The following LRP6 variants were observed in gnomAD, a reference collection of about 807,000 sequenced individuals.
LRP6 encodes the protein LDL receptor related protein 6.
In LRP6, 43 loss-of-function variants were observed where a neutral mutation model predicts 184.1. The observed-to-expected ratio is 0.23, with a 90% CI of 0.18 to 0.30. The LOEUF (loss-of-function observed/expected upper bound fraction) is 0.30. Ranked by LOEUF, LRP6 falls within the 10% of genes least tolerant of loss-of-function variation. The pLI is 1.00. For missense variants in LRP6, 1,571 were observed against 2,005.3 expected (o/e 0.78, Z 4.14); for synonymous variants, 719 against 684.9 (o/e 1.05, Z -0.78).
chr12:12,239,992 A>AT (rs1865020587), intron 2 of LRP6, among the ~76,000 whole-genome samples: 2 of 149,546 alleles, frequency 1.3e-5, no homozygotes, highest in Non-Finnish European at 3.0e-5. Flanking sequence ...GAGTTAAGAT[A>AT]TTAAAAAAAA....
chr12:12,261,175 G>T (rs149872900), intron 1 of LRP6, among the ~76,000 whole-genome samples: 6,262 of 152,026 alleles, frequency 0.041, 177 homozygotes, highest in Middle Eastern at 0.16. Context: ...AATCCCAACA[G>T]TTTGGGAGGC....
intron 2 of LRP6, among the ~76,000 whole-genome samples, chr12:12,224,991 G>T (rs914185761): frequency 3.3e-5 from 5 of 152,134 alleles, no homozygotes; most frequent in Non-Finnish European, 2.9e-5. Context: ...GATCACCTGA[G>T]GTCGGGAGTT....
intron 15 of LRP6, among the ~76,000 whole-genome samples, chr12:12,145,255 CG>C (rs1555105683): frequency 6.6e-6 from 1 of 151,308 alleles, no homozygotes; most frequent in Non-Finnish European, 1.5e-5. Flanking sequence ...ACTATACATG[CG>C]TAAGTGTGTG....
chr12:12,125,464 G>A (rs760855222), intron 20 of LRP6, 32 bp from the exon 21 acceptor site: 54 of 1,597,318 alleles, frequency 3.4e-5, no homozygotes, highest in Non-Finnish European at 4.0e-5. Context: ...AACTGAAGAT[G>A]AGTATGATAT....
At chr12:12,188,370 G>A (rs1863530577) in intron 3 of LRP6, among the ~76,000 whole-genome samples, 1 of 152,092 alleles carries the variant, frequency 6.6e-6, no homozygotes, top group Non-Finnish European at 1.5e-5. Context: ...TGGGCAGAGA[G>A]GGAGGAAGGG....
At chr12:12,216,366 A>C (rs1864343315) in intron 2 of LRP6, among the ~76,000 whole-genome samples, 1 of 152,208 alleles carries the variant, frequency 6.6e-6, no homozygotes, top group African/African-American at 2.4e-5. Context: ...GGTTTTAAAA[A>C]ATGATAATAA....
In LRP6 at chr12:12,255,122, AAAC is replaced by A. The variant is rs537658541; in HGVS notation, c.56-10470_56-10468del. ...TGTCAACAGTGACTGATTTTGTTTT[AAAC>A]AACAGGGAGACTGACCAGTGCACAT... is the stretch of plus-strand genomic sequence containing the variant. On this transcript the variant is annotated intron_variant, in intron 1 of 22. Coordinates refer to ENST00000261349, the MANE Select transcript of LRP6 (RefSeq NM_002336.3). 3.4e-3 allele frequency among the ~76,000 whole-genome samples: 511 copies of A among 152,282 alleles called. 1 individual carries two copies. The highest frequency in any genetic ancestry group is 0.012 in the African/African-American group (486 of 41,564).
chr12:12,123,078 T>G (rs929520846), intron 22 of LRP6, among the ~76,000 whole-genome samples: 2 of 152,062 alleles, frequency 1.3e-5, no homozygotes, highest in Non-Finnish European at 2.9e-5. Flanking sequence ...TTAATAAAAT[T>G]TTTTCATGTC....
chr12:12,147,595 A>G (rs1349476460), intron 14 of LRP6, 39 bp from the exon 15 acceptor site: 1 of 1,436,834 alleles, frequency 7.0e-7, no homozygotes, highest in Non-Finnish European at 9.8e-7. Flanking sequence ...TACTGGAGTA[A>G]GAAACCACAT....
In LRP6 at chr12:12,150,862, G is replaced by A. The variant is rs780777151; in HGVS notation, c.2968C>T (p.Arg990Ter). The change falls in exon 13 of 23, where the codon CGA becomes TGA. Residue 990 changes from arginine to a stop codon, truncating the protein, a stop_gained. Coordinates refer to ENST00000261349, the MANE Select transcript of LRP6 (RefSeq NM_002336.3). LOFTEE classifies it high-confidence loss of function. ...YWIDSRQNMI[R>*]KAQEDGSQGF... is the part of the protein sequence containing the mutation. ...TGGCTGCCATCTTCTTGTGCCTTTCGGATCATGTTTTGTCGTGAGTCAATC... is the reference window on the plus strand; with the variant it reads ...TGGCTGCCATCTTCTTGTGCCTTTCAGATCATGTTTTGTCGTGAGTCAATC... 6.2e-7 allele frequency: 1 copy of A among 1,613,930 alleles called. No individual in the cohort carries two copies. Among genetic ancestry groups the A allele is most frequent in the South Asian group, 1.1e-5 (1 of 91,050 alleles).
At chr12:12,198,176 C>T (rs1863817667) in intron 3 of LRP6, among the ~76,000 whole-genome samples, 1 of 152,174 alleles carries the variant, frequency 6.6e-6, no homozygotes, top group Non-Finnish European at 1.5e-5. Context: ...CTTGGCCTCC[C>T]AAAGTACTGG....
chr12:12,250,678 A>G (rs1299515177), intron 1 of LRP6, among the ~76,000 whole-genome samples: 1 of 152,164 alleles, frequency 6.6e-6, no homozygotes, highest in African/African-American at 2.4e-5. Context: ...GCTGGAGTGC[A>G]GTGGCACAAT....
chr12:12,202,925 A>C (rs1459027482), intron 3 of LRP6, among the ~76,000 whole-genome samples: 2 of 152,248 alleles, frequency 1.3e-5, no homozygotes, highest in African/African-American at 2.4e-5. Flanking sequence ...AAACAAAGGC[A>C]GTAAAGATGC....
chr12:12,138,628 T>C, intron 15 of LRP6, 94 bp from the exon 16 acceptor site: 1 of 1,310,678 alleles, frequency 7.6e-7, no homozygotes, highest in South Asian at 1.3e-5. Flanking sequence ...ATTCTACAGG[T>C]AGAGAAAAGA....
At chr12:12,252,792 T>C (rs1865354555) in intron 1 of LRP6, among the ~76,000 whole-genome samples, 1 of 152,208 alleles carries the variant, frequency 6.6e-6, no homozygotes, top group South Asian at 2.1e-4. Flanking sequence ...GCTAAATCTT[T>C]TTCCTTGATA....
At chr12:12,170,455 T>C (rs1284766684) in intron 7 of LRP6, among the ~76,000 whole-genome samples, 1 of 152,156 alleles carries the variant, frequency 6.6e-6, no homozygotes, top group Non-Finnish European at 1.5e-5. Context: ...TTATGGTTTT[T>C]TTTTTAATAC....
At chr12:12,254,986 C>T (rs1865425334) in intron 1 of LRP6, among the ~76,000 whole-genome samples, 1 of 152,132 alleles carries the variant, frequency 6.6e-6, no homozygotes, top group Non-Finnish European at 1.5e-5. Context: ...AAACTTTCAG[C>T]AAGGCAATAT....
At chr12:12,142,427 A>AT (rs1949946728) in intron 15 of LRP6, among the ~76,000 whole-genome samples, 1 of 152,216 alleles carries the variant, frequency 6.6e-6, no homozygotes, top group Non-Finnish European at 1.5e-5. Context: ...AGATATGCTT[A>AT]TTTATTCAAC....
chr12:12,191,798 G>T (rs546985274), intron 3 of LRP6, among the ~76,000 whole-genome samples: 1 of 151,072 alleles, frequency 6.6e-6, no homozygotes, highest in African/African-American at 2.4e-5. Context: ...TGAAGTCTAC[G>T]AAATAAGAAT....
Sources: allele counts gnomAD v4.1 joint callset (sites outside exome capture counted in the v4.1 genomes callset), GRCh38; gene constraint gnomAD v4.1.1; transcripts MANE v1.5; gene names NCBI Gene and HGNC (gene_info 2026-07-23, HGNC 2026-07-21).